The following MYO1D variants were observed in gnomAD, a reference collection of about 807,000 sequenced individuals.
MYO1D encodes unconventional myosin-Id.
A neutral mutation model predicts 122.0 loss-of-function variants in MYO1D; 83 were observed. That is an observed-to-expected ratio of 0.68 (90% CI 0.57 to 0.82). MYO1D has a LOEUF of 0.82. MYO1D is among the 40% of genes least tolerant of loss of function. The pLI is 0.00. For synonymous variants in MYO1D, 464 were observed against 446.9 expected, an observed-to-expected ratio of 1.04 and a Z score of -0.48; for missense variants, 1,157 against 1,269.5, an observed-to-expected ratio of 0.91 and a Z score of 1.35.
chr17:32,731,336 G>T (rs941661678), intron 14 of MYO1D, among the ~76,000 whole-genome samples: 13 of 152,088 alleles, frequency 8.5e-5, no homozygotes, highest in Non-Finnish European at 1.8e-4. Flanking sequence ...CCTATCCATT[G>T]AATTTTTAAT....
At chr17:32,595,492 G>A (rs996557782) in intron 21 of MYO1D, among the ~76,000 whole-genome samples, 12 of 151,898 alleles carry the variant, frequency 7.9e-5, no homozygotes, top group African/African-American at 2.9e-4. Flanking sequence ...AAGGAAAAGA[G>A]GTATTCATAA....
At chr17:32,500,924 G>C (rs1909296748) in intron 21 of MYO1D, among the ~76,000 whole-genome samples, 1 of 151,916 alleles carries the variant, frequency 6.6e-6, no homozygotes, top group Non-Finnish European at 1.5e-5. Flanking sequence ...CAGGAGAATG[G>C]CGTGAACCTG....
At chr17:32,504,502 G>C (rs1909427506) in intron 21 of MYO1D, 1 of 152,126 alleles carries the variant, frequency 6.6e-6, no homozygotes, top group Non-Finnish European at 1.5e-5. Context: ...CACTGACCCT[G>C]GGTGGCTGGG....
chr17:32,721,804 A>G (rs2089515700), intron 14 of MYO1D, among the ~76,000 whole-genome samples: 2 of 152,324 alleles, frequency 1.3e-5, no homozygotes, highest in South Asian at 4.1e-4. Flanking sequence ...CTCTGTGCCA[A>G]TTAAGTTTTA....
At chr17:32,537,240 C>T (rs901893980) in intron 21 of MYO1D, among the ~76,000 whole-genome samples, 1 of 152,176 alleles carries the variant, frequency 6.6e-6, no homozygotes, top group African/African-American at 2.4e-5. Context: ...GATATGAGGG[C>T]CACGATTTAT....
At chr17:32,547,667 C>T (rs1597889363) in intron 21 of MYO1D, among the ~76,000 whole-genome samples, 1 of 152,186 alleles carries the variant, frequency 6.6e-6, no homozygotes, top group African/African-American at 2.4e-5. Flanking sequence ...ACTATAGTAG[C>T]TCAGCGCAGT....
intron 21 of MYO1D, among the ~76,000 whole-genome samples, chr17:32,583,246 C>T (rs1049771130): frequency 2.0e-5 from 3 of 152,176 alleles, no homozygotes; most frequent in African/African-American, 4.8e-5. Context: ...GAGAAATCCT[C>T]TGTCATCTTA....
intron 21 of MYO1D, among the ~76,000 whole-genome samples, chr17:32,548,719 T>G (rs1194336706): frequency 1.3e-5 from 2 of 148,774 alleles, no homozygotes; most frequent in African/African-American, 2.5e-5. Flanking sequence ...TTTTGGTCTT[T>G]TTTTTTTTTT....
intron 16 of MYO1D, among the ~76,000 whole-genome samples, chr17:32,693,967 A>G (rs2089137830): frequency 6.6e-6 from 1 of 152,208 alleles, no homozygotes. Flanking sequence ...ACATTTGCCA[A>G]TATGTTAAAT....
chr17:32,577,754 T>C (rs2087292088), intron 21 of MYO1D, among the ~76,000 whole-genome samples: 1 of 152,076 alleles, frequency 6.6e-6, no homozygotes, highest in Non-Finnish European at 1.5e-5. Context: ...TTTTTTTTCT[T>C]TTGAGACGGA....
At chr17:32,608,026 G>C in intron 20 of MYO1D, among the ~76,000 whole-genome samples, 1 of 152,128 alleles carries the variant, frequency 6.6e-6, no homozygotes, top group East Asian at 1.9e-4. Context: ...TGTAAAACTA[G>C]AAAACTTTTA....
At chr17:32,713,871 G>A (rs569521771) in intron 15 of MYO1D, among the ~76,000 whole-genome samples, 7 of 151,970 alleles carry the variant, frequency 4.6e-5, no homozygotes, top group South Asian at 2.1e-4. Context: ...TGATCTGCCC[G>A]CCTTGGCCTC....
chr17:32,775,674 T>G (rs916635716), intron 4 of MYO1D, among the ~76,000 whole-genome samples, 190 bp downstream of exon 4: 81 of 152,046 alleles, frequency 5.3e-4, no homozygotes, highest in African/African-American at 1.7e-3. Context: ...AGTCCACAAC[T>G]TTTTCCAACT....
chr17:32,670,839 T>C (rs2088707487), intron 16 of MYO1D, among the ~76,000 whole-genome samples: 1 of 152,238 alleles, frequency 6.6e-6, no homozygotes, highest in Non-Finnish European at 1.5e-5. Flanking sequence ...TACTGAGAGC[T>C]GTTTTGTTGC....
chr17:32,589,436 T>A (rs1035956289), intron 21 of MYO1D, among the ~76,000 whole-genome samples: 2 of 152,144 alleles, frequency 1.3e-5, no homozygotes, highest in Non-Finnish European at 2.9e-5. Context: ...GTGGTCCGGG[T>A]TGGGTCAGAT....
At position 32,506,924 on chromosome 17, in the gene MYO1D, T is replaced by A. The variant is rs568845496; in HGVS notation, c.2865-12009A>T. Among the ~76,000 whole-genome samples the A allele has an allele frequency of 1.1e-4, 16 of 152,302 alleles. No homozygotes were observed. In the South Asian group the frequency reaches 3.3e-3, roughly 32 times the overall value. On this transcript the variant is annotated intron_variant, in intron 21 of 21. Coordinates refer to ENST00000318217, the MANE Select transcript of MYO1D (RefSeq NM_015194.3). ...TGATCCCAGGAGTTTGAGGCTGTAA[T>A]GGGCTATGATTGTGCCATTGCACTC...
At chr17:32,685,909 G>A (rs978671425) in intron 16 of MYO1D, among the ~76,000 whole-genome samples, 1 of 152,178 alleles carries the variant, frequency 6.6e-6, no homozygotes, top group Admixed American at 6.5e-5. Flanking sequence ...TGGCCAATGC[G>A]ATATAAATTG....
chr17:32,817,102 AT>A (rs888767599), intron 1 of MYO1D, among the ~76,000 whole-genome samples: 1 of 152,092 alleles, frequency 6.6e-6, no homozygotes, highest in African/African-American at 2.4e-5. Context: ...TGATTTTTAA[AT>A]TTTTTTGTAG....
intron 16 of MYO1D, among the ~76,000 whole-genome samples, chr17:32,662,918 C>CTT (rs66842883): frequency 4.2e-5 from 5 of 118,748 alleles, no homozygotes; most frequent in East Asian, 2.6e-4. Flanking sequence ...ACTTTCTTTT[C>CTT]TTTTTTTTTT....
Sources: gnomAD v4.1 joint callset for allele counts (sites outside exome capture counted in the v4.1 genomes callset) on GRCh38, gnomAD v4.1.1 for gene constraint, MANE v1.5 for transcripts, NCBI Gene and HGNC (gene_info 2026-07-23, HGNC 2026-07-21) for gene names.